Variants in MOSPD2 observed in about 807,000 individuals in gnomAD.
The protein encoded by MOSPD2 is motile sperm domain-containing protein 2.
A neutral mutation model predicts 41.7 loss-of-function variants in MOSPD2; 5 were observed. The observed-to-expected ratio is 0.12, with a 90% CI of 0.06 to 0.25. The LOEUF (loss-of-function observed/expected upper bound fraction) is 0.25, where lower values mean the gene tolerates loss of function less well. Ranked by LOEUF, MOSPD2 falls within the 10% of genes least tolerant of loss-of-function variation. The pLI is 1.00. For synonymous variants in MOSPD2, 115 were observed against 126.9 expected, an observed-to-expected ratio of 0.91 and a Z score of 0.63; for missense variants, 282 against 375.2, an observed-to-expected ratio of 0.75 and a Z score of 2.05.
intron 7 of MOSPD2, among the ~76,000 whole-genome samples, chrX:14,907,020 G>C (rs969242045): frequency 9.0e-6 from 1 of 111,303 alleles, no homozygotes; most frequent in Non-Finnish European, 1.9e-5. Context: ...GTGAAACTCT[G>C]TCTCAAAAAA....
At chrX:14,892,047 TTACTC>T (rs1392935066) in intron 2 of MOSPD2, among the ~76,000 whole-genome samples, 3 of 112,123 alleles carry the variant, frequency 2.7e-5, no homozygotes, top group South Asian at 3.7e-4. Context: ...ACCAAATACT[TTACTC>T]TGGTGTAATT....
chrX:14,919,488 A>G (rs1290263804), intron 14 of MOSPD2, among the ~76,000 whole-genome samples, 184 bp from the exon 15 acceptor site: 6 of 111,932 alleles, frequency 5.4e-5, no homozygotes, highest in Non-Finnish European at 1.1e-4. Flanking sequence ...GAGAATAAGC[A>G]TAGACATATC....
At chrX:14,901,628 C>G (rs2092573319) in intron 6 of MOSPD2, among the ~76,000 whole-genome samples, 1 of 110,265 alleles carries the variant, frequency 9.1e-6, no homozygotes, top group Admixed American at 9.7e-5. Context: ...TCAATAGTGT[C>G]CAGTTTGGGG....
chrX:14,890,460 A>G (rs965171535), intron 2 of MOSPD2, among the ~76,000 whole-genome samples: 14 of 111,558 alleles, frequency 1.3e-4, no homozygotes, highest in African/African-American at 4.2e-4. Context: ...CTAAACAACA[A>G]TCTCTAAGAT....
At chrX:14,905,528 C>G (rs1376783079) in intron 7 of MOSPD2, among the ~76,000 whole-genome samples, 1 of 110,502 alleles carries the variant, frequency 9.0e-6, no homozygotes, top group East Asian at 2.8e-4. Flanking sequence ...GAGTCTCATT[C>G]TGTCACCTAG....
At chrX:14,888,206 GCACACACACACACACACACACACACACA>G (rs775166629) in intron 2 of MOSPD2, among the ~76,000 whole-genome samples, 5,995 of 56,733 alleles carry the variant, frequency 0.11, 353 homozygotes, top group African/African-American at 0.26. Flanking sequence ...ACACACACAC[GCACACACACACACACACACACACACACA>G]CACACACACA....
At chrX:14,903,108 T>C in intron 7 of MOSPD2, 104 bp downstream of exon 7, 1 of 541,283 alleles carries the variant, frequency 1.8e-6, no homozygotes, top group Non-Finnish European at 3.1e-6. Flanking sequence ...ATATTGTCCT[T>C]TGCATGCTCT....
chrX:14,890,433 A>G (rs1017594993), intron 2 of MOSPD2, among the ~76,000 whole-genome samples: 1 of 111,420 alleles, frequency 9.0e-6, no homozygotes, highest in African/African-American at 3.3e-5. Context: ...ATACTGATGA[A>G]TTTTCAAATA....
intron 7 of MOSPD2, among the ~76,000 whole-genome samples, chrX:14,905,466 T>C (rs1367181097): frequency 3.6e-5 from 4 of 110,632 alleles, no homozygotes; most frequent in Non-Finnish European, 7.6e-5. Context: ...TATTTGCATG[T>C]AACTGACACA....
intron 7 of MOSPD2, among the ~76,000 whole-genome samples, chrX:14,905,263 G>A (rs1042587838): frequency 1.8e-5 from 2 of 111,211 alleles, no homozygotes; most frequent in African/African-American, 6.5e-5. Flanking sequence ...ACAAGGACAC[G>A]GAAAATTACA....
At position 14,919,966 on chromosome X, in the gene MOSPD2, A is replaced by G; in HGVS notation, c.*157A>G. On this transcript the variant is annotated 3_prime_UTR_variant, in exon 15 of 15. Coordinates refer to ENST00000380492, the MANE Select transcript of MOSPD2 (RefSeq NM_152581.4). ...AGGGGAACACATACATGTCTTGAAA[A>G]TAAACTGCTAGAATAAAGAAATGCT... 1 of 1,016,631 alleles carries G rather than the reference A, an allele frequency of 9.8e-7. No individual in the cohort carries two copies. 83.8% of individuals were successfully genotyped at this position (1,016,631 alleles called of 1,213,427 possible).
At chrX:14,904,067 G>C (rs1452117402) in intron 7 of MOSPD2, among the ~76,000 whole-genome samples, 1 of 111,919 alleles carries the variant, frequency 8.9e-6, no homozygotes, top group East Asian at 2.8e-4. Flanking sequence ...TAAATTATGT[G>C]AAATATTTAA....
intron 2 of MOSPD2, 41 bp from the exon 3 acceptor site, chrX:14,892,682 A>T: frequency 1.8e-6 from 2 of 1,089,267 alleles, no homozygotes; most frequent in Non-Finnish European, 2.5e-6. Flanking sequence ...TTCACTGCAG[A>T]ATTAATCTGA....
At chrX:14,899,725 T>C (rs1223630884) in intron 5 of MOSPD2, among the ~76,000 whole-genome samples, 1 of 110,094 alleles carries the variant, frequency 9.1e-6, no homozygotes, top group Admixed American at 9.8e-5. Context: ...TTATAGACAC[T>C]TATCTCTAGG....
At chrX:14,893,629 C>A (rs1167455294) in intron 3 of MOSPD2, among the ~76,000 whole-genome samples, 1 of 112,255 alleles carries the variant, frequency 8.9e-6, no homozygotes, top group Non-Finnish European at 1.9e-5. Flanking sequence ...GGATTATAAC[C>A]TCTGAAGTGA....
Position 14,920,524 on chromosome X carries a change from A to G in MOSPD2, c.*715A>G. 1 of 754,118 alleles carries G rather than the reference A, an allele frequency of 1.3e-6. No individual in the cohort carries two copies. Among genetic ancestry groups the G allele is most frequent in the Non-Finnish European group, 1.6e-6 (1 of 639,064 alleles). 62.1% of individuals were successfully genotyped at this position (754,118 alleles called of 1,213,427 possible). On this transcript the variant is annotated 3_prime_UTR_variant, in exon 15 of 15. Coordinates refer to ENST00000380492, the MANE Select transcript of MOSPD2 (RefSeq NM_152581.4). The stretch of plus-strand genomic sequence containing the variant: ...GGAATTTCTTTGAATTCTGTTAGTA[A>G]TGCCCAAAAGAAAAGTCTCAAGCAG...
Position 14,888,195 on chromosome X carries a change from TACACACACACGCACACACACAC to T in MOSPD2, c.80-4517_80-4496del, listed in dbSNP as rs1192789361. Among the ~76,000 whole-genome samples the T allele has an allele frequency of 9.3e-4, 83 of 88,775 alleles. 1 individual carries two copies. Among genetic ancestry groups the T allele is most frequent in the Admixed American group, 2.7e-3 (20 of 7,341 alleles). 77.1% of individuals were successfully genotyped at this position (88,775 alleles called of 115,157 possible). A position where few individuals can be genotyped will look rare whatever the true frequency, so the allele number is the denominator to read the frequency against. On this transcript the variant is annotated intron_variant, in intron 2 of 14. Coordinates refer to ENST00000380492, the MANE Select transcript of MOSPD2 (RefSeq NM_152581.4). ...TGAGGACAAGTATTGGGAGAATATA[TACACACACACGCACACACACAC>T]ACACACACACACACACACACACACA...
chrX:14,883,802 A>G (rs907949090), intron 2 of MOSPD2, among the ~76,000 whole-genome samples: 1 of 112,228 alleles, frequency 8.9e-6, no homozygotes, highest in Non-Finnish European at 1.9e-5. Flanking sequence ...TTCCAGAAGG[A>G]AAAAAAGAGT....
chrX:14,905,050 A>C (rs1431030107), intron 7 of MOSPD2, among the ~76,000 whole-genome samples: 1 of 111,638 alleles, frequency 9.0e-6, no homozygotes, highest in Non-Finnish European at 1.9e-5. Flanking sequence ...CAAAGTGCAG[A>C]TCTCTCTTTG....
Sources: allele counts gnomAD v4.1 joint callset (sites outside exome capture counted in the v4.1 genomes callset), GRCh38; gene constraint gnomAD v4.1.1; transcripts MANE v1.5; gene names NCBI Gene and HGNC (gene_info 2026-07-23, HGNC 2026-07-21).